The following LGMN variants were observed in gnomAD, a reference collection of about 807,000 sequenced individuals.
The protein encoded by LGMN is legumain.
LGMN carries 36 observed loss-of-function variants against 56.8 expected under a neutral mutation model. The ratio of observed to expected loss-of-function variants is 0.63; its 90% CI spans 0.49 to 0.84. LGMN has a LOEUF of 0.84. LGMN is among the 40% of genes least tolerant of loss of function. The pLI is 0.00. For missense variants in LGMN, 446 were observed against 556.1 expected, an observed-to-expected ratio of 0.80 and a Z score of 1.99; for synonymous variants, 199 against 210.1, an observed-to-expected ratio of 0.95 and a Z score of 0.46.
intron 1 of LGMN, among the ~76,000 whole-genome samples, chr14:92,739,378 G>C (rs555240223): frequency 5.9e-4 from 90 of 152,140 alleles, no homozygotes; most frequent in African/African-American, 2.1e-3. Flanking sequence ...CCATTACACA[G>C]GCCTCATCTC....
intron 2 of LGMN, among the ~76,000 whole-genome samples, chr14:92,729,909 T>C (rs1206401666): frequency 1.3e-5 from 2 of 152,274 alleles, no homozygotes; most frequent in Non-Finnish European, 2.9e-5. Flanking sequence ...TATTTCAGTC[T>C]GGGCCACTTC....
chr14:92,709,777 G>C lies in LGMN; in HGVS notation c.915C>G (p.Thr305=). ...PLPPVTHLDL[T]PSPDVPLTIM... is the part of the protein sequence containing the mutation. ...TGGTGAGAGGCACATCAGGGCTGGG[G>C]GTGAGGTCAAGGTGTGTGACTGGAG... Residue 305 remains threonine, a synonymous_variant, in exon 11 of 14, where the codon ACC becomes ACG. Transcript: ENST00000334869. The C allele has an allele frequency of 6.2e-7, 1 of 1,614,108 alleles. No individual in the cohort carries two copies. The highest frequency in any genetic ancestry group is 8.5e-7 in the Non-Finnish European group (1 of 1,179,956).
chr14:92,745,488 C>T (rs1047899950), intron 1 of LGMN, among the ~76,000 whole-genome samples: 4 of 152,260 alleles, frequency 2.6e-5, no homozygotes, highest in East Asian at 3.9e-4. Flanking sequence ...ACATTACAGA[C>T]GAAATTGTTC....
At chr14:92,728,067 C>T (rs984032619) in intron 2 of LGMN, among the ~76,000 whole-genome samples, 3 of 152,178 alleles carry the variant, frequency 2.0e-5, no homozygotes, top group Admixed American at 2.0e-4. Context: ...AGATGCTTCA[C>T]GAGGTGATTT....
intron 7 of LGMN, among the ~76,000 whole-genome samples, chr14:92,713,482 AT>A (rs1180793359): frequency 1.3e-5 from 2 of 152,176 alleles, no homozygotes; most frequent in Non-Finnish European, 2.9e-5. Context: ...GCTGCCCGAA[AT>A]TGAGGACAGT....
At chr14:92,729,948 T>C (rs539111017) in intron 2 of LGMN, among the ~76,000 whole-genome samples, 4 of 152,236 alleles carry the variant, frequency 2.6e-5, no homozygotes, top group Middle Eastern at 3.2e-3. Context: ...TGTTCTATTT[T>C]GATAGTTAGT....
At chr14:92,735,362 A>G (rs1022751401) in intron 1 of LGMN, among the ~76,000 whole-genome samples, 2 of 152,184 alleles carry the variant, frequency 1.3e-5, no homozygotes, top group Non-Finnish European at 2.9e-5. Flanking sequence ...GCCCACCACC[A>G]TGCCCAGCTA....
chr14:92,743,294 G>C (rs1010640407), intron 1 of LGMN, among the ~76,000 whole-genome samples: 1 of 152,160 alleles, frequency 6.6e-6, no homozygotes, highest in East Asian at 1.9e-4. Context: ...GAGGTCAGGA[G>C]ATCGAGACCA....
chr14:92,738,704 C>T (rs1891414920), intron 1 of LGMN, among the ~76,000 whole-genome samples: 1 of 151,780 alleles, frequency 6.6e-6, no homozygotes, highest in Admixed American at 6.6e-5. Flanking sequence ...ATTACGTTGC[C>T]GAATAGAAAA....
At chr14:92,733,458 T>C (rs923514801) in intron 1 of LGMN, among the ~76,000 whole-genome samples, 4 of 152,188 alleles carry the variant, frequency 2.6e-5, no homozygotes, top group African/African-American at 9.7e-5. Flanking sequence ...AAATTCACTA[T>C]TGGAAACATA....
chr14:92,712,857 A>G lies in LGMN; in HGVS notation c.558T>C (p.Ile186=), dbSNP rs778587345. The change falls in exon 8 of 14, where the codon ATT becomes ATC. Residue 186 remains isoleucine, a synonymous_variant. Transcript: ENST00000334869. The part of the protein sequence containing the change: ...HKMYRKMVFY[I]EACESGSMMN... Reference sequence around the variant, plus strand: ...TCATGGACCCAGACTCACAGGCTTCAATGTAGAACACCATCTGTGAGGCAG... The same window carrying G: ...TCATGGACCCAGACTCACAGGCTTCGATGTAGAACACCATCTGTGAGGCAG... The G allele has an allele frequency of 1.2e-6, 2 of 1,613,822 alleles. No individual in the cohort carries two copies. The highest frequency in any genetic ancestry group is 1.7e-6 in the Non-Finnish European group (2 of 1,179,962).
At chr14:92,744,744 C>T (rs1171014845) in intron 1 of LGMN, among the ~76,000 whole-genome samples, 3 of 151,882 alleles carry the variant, frequency 2.0e-5, no homozygotes, top group African/African-American at 4.8e-5. Context: ...TACAGGCATG[C>T]ACCACCACGC....
chr14:92,719,248 A>ACCG (rs1890276351), intron 2 of LGMN, among the ~76,000 whole-genome samples: 14 of 22,514 alleles, frequency 6.2e-4, no homozygotes, highest in African/African-American at 2.0e-3. Context: ...CACCACCGCC[A>ACCG]CCACCACCAC....
At chr14:92,711,556 C>A in intron 10 of LGMN, 103 bp downstream of exon 10, 1 of 1,082,832 alleles carries the variant, frequency 9.2e-7, no homozygotes, top group South Asian at 1.3e-5. Context: ...CTCAAGCATT[C>A]CTCACTCAGA....
At chr14:92,743,096 C>T (rs1891641532) in intron 1 of LGMN, 1 of 151,884 alleles carries the variant, frequency 6.6e-6, no homozygotes, top group African/African-American at 2.4e-5. Flanking sequence ...TCAGGGGAGA[C>T]CCTTCCTCTC....
intron 7 of LGMN, 59 bp from the exon 8 acceptor site, chr14:92,712,930 C>G (rs1889870052): frequency 2.0e-6 from 3 of 1,482,126 alleles, no homozygotes; most frequent in Non-Finnish European, 2.8e-6. Flanking sequence ...TCCAGCCATG[C>G]TACTGGAGCT....
intron 2 of LGMN, among the ~76,000 whole-genome samples, chr14:92,719,317 GCCGCCGCCACCGCCA>G (rs1295277174): frequency 1.6e-4 from 6 of 38,332 alleles, no homozygotes; most frequent in African/African-American, 3.3e-4. Flanking sequence ...CGCCACCGCC[GCCGCCGCCACCGCCA>G]CCGCCATCAC....
chr14:92,706,665 C>T lies in LGMN; in HGVS notation c.1021-12G>A, dbSNP rs17128502. 0.07 allele frequency: 108,562 copies of T among 1,555,252 alleles called. 4,460 individuals are homozygous for T. The highest frequency in any genetic ancestry group is 0.14 in the South Asian group (12,123 of 86,662). On this transcript the variant is annotated splice_polypyrimidine_tract_variant and intron_variant, in intron 11 of 13. Coordinates refer to ENST00000334869, the MANE Select transcript of LGMN (RefSeq NM_005606.7). ...ATGAGGTGCCTGGCCTGGGGAGAAA[C>T]GCGGCCTGTCAGAATGTGCCTCCCT...
At chr14:92,731,652 A>G (rs1169137383) in intron 2 of LGMN, among the ~76,000 whole-genome samples, 1 of 152,226 alleles carries the variant, frequency 6.6e-6, no homozygotes, top group African/African-American at 2.4e-5. Context: ...GTCAAATAAT[A>G]TCTTCTTACA....
Sources: allele counts gnomAD v4.1 joint callset (sites outside exome capture counted in the v4.1 genomes callset), GRCh38; gene constraint gnomAD v4.1.1; transcripts MANE v1.5; gene names NCBI Gene and HGNC (gene_info 2026-07-23, HGNC 2026-07-21).